SWT1: variants seen among roughly 807,000 people sequenced by gnomAD.
SWT1 encodes the protein transcriptional protein SWT1.
Under a neutral mutation model 107.3 loss-of-function variants are expected in SWT1, and 33 were observed. That is an observed-to-expected ratio of 0.31 (90% CI 0.23 to 0.41). SWT1 has a LOEUF of 0.41. Among genes scored for constraint, SWT1 ranks in the 10% least tolerant of loss-of-function variants. The probability of loss-of-function intolerance (pLI) is 1.00; values close to 1 mark genes in which losing one functional copy is unlikely to be tolerated. For missense variants in SWT1, 898 were observed against 1,028.9 expected (o/e 0.87, Z 1.74); for synonymous variants, 345 against 348.3 (o/e 0.99, Z 0.11).
chr1:185,272,894 G>A (rs527615870), intron 17 of SWT1, among the ~76,000 whole-genome samples: 3 of 151,718 alleles, frequency 2.0e-5, no homozygotes, highest in Admixed American at 1.3e-4. Flanking sequence ...AAAATTAGCC[G>A]GCATGGTGGC....
chr1:185,219,475 A>C (rs150876157), intron 14 of SWT1, among the ~76,000 whole-genome samples: 36 of 152,312 alleles, frequency 2.4e-4, no homozygotes, highest in African/African-American at 8.4e-4. Flanking sequence ...TTATTTAAAA[A>C]AATTTTAATA....
chr1:185,244,109 T>TA (rs953395699), intron 16 of SWT1, among the ~76,000 whole-genome samples: 41 of 149,040 alleles, frequency 2.8e-4, no homozygotes, highest in African/African-American at 6.1e-4. Flanking sequence ...TTCTTTTTCT[T>TA]AAAAAAAAAA....
Position 185,249,593 on chromosome 1 carries a change from C to T in SWT1, c.2441+17885C>T, listed in dbSNP as rs541234012. 2.0e-3 allele frequency among the ~76,000 whole-genome samples: 310 copies of T among 152,204 alleles called. 1 individual carries two copies. The highest frequency in any genetic ancestry group is 3.3e-3 in the Non-Finnish European group (226 of 68,022). ...TCAGCAGAGCTCCTTGAGTACCTAC[C>T]GTTCCTCTAGATGGGAAGTGCTGTG... On this transcript the variant is annotated intron_variant, in intron 16 of 18. Transcript: ENST00000367500.
rs561749239 is a variant in SWT1, at chr1:185,226,863, C to T, written c.2310-4714C>T. ...GAAGCTTGCCTTCTTTTGAGCTACC[C>T]GATCTTTCTTCTGAGCAATGGACAT... On this transcript the variant is annotated intron_variant, in intron 15 of 18. Transcript: ENST00000367500. The T allele has an allele frequency of 5.6e-4, 852 of 1,532,366 alleles. 1 individual carries two copies. Among genetic ancestry groups the T allele is most frequent in the Non-Finnish European group, 6.7e-4 (763 of 1,138,094 alleles). 94.9% of individuals were successfully genotyped at this position (1,532,366 alleles called of 1,614,324 possible).
In SWT1 at chr1:185,160,833, C is replaced by T. The variant is rs1654080204; in HGVS notation, c.-9C>T. On this transcript the variant is annotated splice_region_variant and 5_prime_UTR_variant, in exon 2 of 19. Transcript: ENST00000367500. ...CCTATATTTTTAATGTTTATGTTAG[C>T]TTTTCAGGATGTCCAGCAAAGAATC... 2 of 1,604,794 alleles carry T rather than the reference C, an allele frequency of 1.2e-6. No homozygotes were observed. The highest frequency in any genetic ancestry group is 2.7e-5 in the African/African-American group (2 of 74,526).
intron 4 of SWT1, among the ~76,000 whole-genome samples, chr1:185,173,082 GTTA>G (rs1312035732): frequency 1.3e-5 from 2 of 148,712 alleles, no homozygotes; most frequent in Non-Finnish European, 3.0e-5. Context: ...GTATGTTATT[GTTA>G]TTATTAGCAT....
At chr1:185,178,770 G>A (rs1418520987) in intron 5 of SWT1, among the ~76,000 whole-genome samples, 1 of 152,006 alleles carries the variant, frequency 6.6e-6, no homozygotes, top group Non-Finnish European at 1.5e-5. Flanking sequence ...AGATCAGTGA[G>A]ATTTAAAGTT....
intron 17 of SWT1, among the ~76,000 whole-genome samples, chr1:185,273,731 GC>G (rs1664052336): frequency 6.6e-6 from 1 of 152,064 alleles, no homozygotes; most frequent in Non-Finnish European, 1.5e-5. Flanking sequence ...AAATAAAAGA[GC>G]CTTAATTCTT....
chr1:185,240,128 C>T (rs1046837153), intron 16 of SWT1, among the ~76,000 whole-genome samples: 2 of 151,860 alleles, frequency 1.3e-5, no homozygotes, highest in African/African-American at 4.8e-5. Flanking sequence ...AGCTAGCTGC[C>T]TGATTTAGAA....
chr1:185,212,047 G>A (rs1658858083), intron 13 of SWT1, among the ~76,000 whole-genome samples: 1 of 151,934 alleles, frequency 6.6e-6, no homozygotes, highest in Non-Finnish European at 1.5e-5. Flanking sequence ...CACACTCCAG[G>A]GACTGTTGTG....
Position 185,168,410 on chromosome 1 carries a change from CT to C in SWT1, c.224+17del. The stretch of plus-strand genomic sequence containing the variant: ...CAAGGACTGAAAAGGTAAATTTCTC[CT>C]TTTTCTTTTTACTGTTTTGGTTTAG... On this transcript the variant is annotated intron_variant, in intron 4 of 18. Transcript: ENST00000367500. 1.5e-6 allele frequency: 2 copies of C among 1,364,208 alleles called. No individual in the cohort carries two copies. Among genetic ancestry groups the C allele is most frequent in the Non-Finnish European group, 9.8e-7 (1 of 1,019,562 alleles). 84.5% of individuals were successfully genotyped at this position (1,364,208 alleles called of 1,614,324 possible).
Position 185,174,438 on chromosome 1 carries a change from T to G in SWT1, c.291T>G (p.Ile97Met). The G allele has an allele frequency of 1.2e-6, 2 of 1,602,930 alleles. No individual in the cohort carries two copies. Among genetic ancestry groups the G allele is most frequent in the Non-Finnish European group, 1.7e-6 (2 of 1,176,866 alleles). Reference sequence around the variant, plus strand: ...TCGGTTCTTCATCCCAAAGACCTATTAAACTCAAAGAAGCATCATATTCAA... The same window carrying G: ...TCGGTTCTTCATCCCAAAGACCTATGAAACTCAAAGAAGCATCATATTCAA... The part of the protein sequence containing the change: ...PKIGSSSQRP[I>M]KLKEASYSND... The change falls in exon 5 of 19, where the codon ATT (isoleucine) becomes ATG (methionine). Residue 97 changes from isoleucine (I) to methionine (M), a missense_variant. This residue lies in a region of SWT1 where 382 missense variants were observed against 362.4 expected (regional missense o/e 1.05). Coordinates refer to ENST00000367500, the MANE Select transcript of SWT1 (RefSeq NM_017673.7).
intron 15 of SWT1, among the ~76,000 whole-genome samples, chr1:185,229,439 A>G (rs1215291690): frequency 6.6e-6 from 1 of 152,058 alleles, no homozygotes. Context: ...CATTTAGAAT[A>G]AACCCTGGAG....
At chr1:185,267,465 T>C (rs1191036196) in intron 16 of SWT1, among the ~76,000 whole-genome samples, 2 of 152,200 alleles carry the variant, frequency 1.3e-5, no homozygotes, top group East Asian at 3.8e-4. Flanking sequence ...ATTGATGCTG[T>C]CATAAAGGAA....
chr1:185,202,611 T>G lies in SWT1; in HGVS notation c.1524-43T>G, dbSNP rs369259688. Reference sequence around the variant, plus strand: ...TTGATTTGCCATGTGGTTTACCTTATAAAAAATATTTTTTCCTCCTAATCC... The same window carrying G: ...TTGATTTGCCATGTGGTTTACCTTAGAAAAAATATTTTTTCCTCCTAATCC... On this transcript the variant is annotated intron_variant, in intron 10 of 18. Transcript: ENST00000367500. The G allele has an allele frequency of 1.1e-5, 18 of 1,572,984 alleles. No homozygotes were observed. The African/African-American group carries it at 2.3e-4, about 20-fold the overall frequency.
Position 185,221,855 on chromosome 1 carries a change from A to C in SWT1, c.2128A>C (p.Thr710Pro). The C allele has an allele frequency of 1.3e-6, 2 of 1,575,900 alleles. No individual in the cohort carries two copies. Among genetic ancestry groups the C allele is most frequent in the Non-Finnish European group, 1.7e-6 (2 of 1,164,342 alleles). Reference protein sequence around the residue: ...NLLQTFAEVKTKLKPNSSENT... With the variant: ...NLLQTFAEVKPKLKPNSSENT... ...GTAATTCTTATTTCCCCAGGTCAAG[A>C]CAAAACTTAAGCCAAATTCTTCAGA... Residue 710 changes from threonine (T) to proline (P), a missense_variant, in exon 15 of 19, where the codon ACA (threonine) becomes CCA (proline). Around this residue, in one of 6 missense-constraint regions of SWT1, gnomAD observed 382 missense variants for 460.0 expected, o/e 0.83. Transcript: ENST00000367500.
chr1:185,284,185 T>G (rs915206311), intron 18 of SWT1, among the ~76,000 whole-genome samples: 10 of 152,222 alleles, frequency 6.6e-5, no homozygotes, highest in African/African-American at 2.4e-4. Context: ...TGATTTCAAT[T>G]TGTATTTCTC....
chr1:185,219,959 C>T (rs1659510720), intron 14 of SWT1, among the ~76,000 whole-genome samples: 1 of 151,800 alleles, frequency 6.6e-6, no homozygotes, highest in African/African-American at 2.4e-5. Context: ...GCCTGGGCAA[C>T]ATGGCGAAAC....
intron 10 of SWT1, among the ~76,000 whole-genome samples, chr1:185,195,146 CT>C (rs1657275467): frequency 6.6e-6 from 1 of 152,156 alleles, no homozygotes; most frequent in Non-Finnish European, 1.5e-5. Flanking sequence ...TATCCTTCCC[CT>C]ATCCCTCAAC....
Sources: allele counts gnomAD v4.1 joint callset (sites outside exome capture counted in the v4.1 genomes callset), GRCh38; gene constraint gnomAD v4.1.1; regional missense constraint gnomAD v4.1.1; transcripts MANE v1.5; gene names NCBI Gene and HGNC (gene_info 2026-07-23, HGNC 2026-07-21).